The following FAM114A1 variants were observed in gnomAD, a reference collection of about 807,000 sequenced individuals.
FAM114A1 encodes the protein family with sequence similarity 114 member A1.
FAM114A1 carries 62 observed loss-of-function variants against 64.3 expected under a neutral mutation model. The observed-to-expected ratio is 0.96, with a 90% CI of 0.79 to 1.19. FAM114A1 has a LOEUF of 1.19. FAM114A1 is among the 50% of genes most tolerant of loss of function. The pLI is 0.00. For synonymous variants in FAM114A1, 254 were observed against 251.1 expected (o/e 1.01, Z -0.11); for missense variants, 645 against 676.3 (o/e 0.95, Z 0.51).
rs1294267205 is a variant in FAM114A1 at position 38,868,461 on chromosome 4, C to A, written c.-94C>A. The A allele has an allele frequency of 6.5e-6, 1 of 152,688 alleles. No homozygotes were observed. The highest frequency in any genetic ancestry group is 2.4e-5 in the African/African-American group (1 of 41,438). 9.5% of individuals were successfully genotyped at this position (152,688 alleles called of 1,614,324 possible). On this transcript the variant is annotated 5_prime_UTR_variant, in exon 2 of 15. Transcript: ENST00000358869. The stretch of plus-strand genomic sequence containing the variant: ...ACTCTAAGCAGGCACCGCCTCCACT[C>A]GCAGCCCCCGGGATGGGTCCCACTC...
chr4:38,886,258 G>A (rs536177110), intron 3 of FAM114A1, among the ~76,000 whole-genome samples: 1 of 149,050 alleles, frequency 6.7e-6, no homozygotes, highest in South Asian at 2.1e-4. Context: ...TGCAACCTCC[G>A]CCTCCTGGGT....
At chr4:38,911,844 C>CTTTTTTTTTTTTTTTTTTTTTTTTTTTT (rs771972308) in intron 7 of FAM114A1, among the ~76,000 whole-genome samples, 1 of 115,194 alleles carries the variant, frequency 8.7e-6, no homozygotes, top group Non-Finnish European at 1.8e-5. Flanking sequence ...TTTTTTTTTT[C>CTTTTTTTTTTTTTTTTTTTTTTTTTTTT]TTTTTTTTTC....
intron 8 of FAM114A1, among the ~76,000 whole-genome samples, chr4:38,919,603 C>A (rs941357034): frequency 6.6e-6 from 1 of 152,154 alleles, no homozygotes. Flanking sequence ...CCTGGGGACT[C>A]CCCTGTGTTG....
Position 38,878,096 on chromosome 4 carries a change from T to G in FAM114A1, c.18T>G (p.Gly6=), listed in dbSNP as rs1383106626. MSDDA[G]DTLATGDKAE... ...ATACTAAAATGTCTGATGATGCTGG[T>G]GACACCTTAGCCACTGGAGACAAAG... The change falls in exon 3 of 15, where the codon GGT becomes GGG. Residue 6 remains glycine (G), a synonymous_variant. Coordinates refer to ENST00000358869, the MANE Select transcript of FAM114A1 (RefSeq NM_138389.4). The G allele has an allele frequency of 6.2e-7, 1 of 1,609,434 alleles. No individual in the cohort carries two copies. The highest frequency in any genetic ancestry group is 8.5e-7 in the Non-Finnish European group (1 of 1,176,864).
At position 38,929,339 on chromosome 4, in the gene FAM114A1, C is replaced by T; in HGVS notation, c.1161+6C>T. On this transcript the variant is annotated splice_donor_region_variant and intron_variant, in intron 10 of 14. Coordinates refer to ENST00000358869, the MANE Select transcript of FAM114A1 (RefSeq NM_138389.4). ...CACCTGACAAACTCAATAAGGTCAG[C>T]ACTGTCTGATTTATAGTTTCTGGTT... The T allele has an allele frequency of 6.2e-7, 1 of 1,603,256 alleles. No homozygotes were observed. The highest frequency in any genetic ancestry group is 8.5e-7 in the Non-Finnish European group (1 of 1,170,842).
intron 3 of FAM114A1, among the ~76,000 whole-genome samples, chr4:38,885,123 T>C (rs550220238): frequency 5.3e-5 from 8 of 152,270 alleles, no homozygotes; most frequent in Admixed American, 5.2e-4. Flanking sequence ...TACCGGCATC[T>C]GCCACCATGC....
intron 3 of FAM114A1, among the ~76,000 whole-genome samples, chr4:38,887,519 G>T (rs1208253723): frequency 6.6e-6 from 1 of 152,130 alleles, no homozygotes; most frequent in Admixed American, 6.5e-5. Flanking sequence ...TTGACTTAAA[G>T]ACTCTTAATA....
chr4:38,944,814 C>G lies in FAM114A1; in HGVS notation c.*1257C>G, dbSNP rs1466763789. On this transcript the variant is annotated 3_prime_UTR_variant, in exon 15 of 15. Coordinates refer to ENST00000358869, the MANE Select transcript of FAM114A1 (RefSeq NM_138389.4). ...GAATAGCTTCGTGCCGAAACCATCC[C>G]CCACCCCCATCCCGCTACCCCGAGT... is the stretch of plus-strand genomic sequence containing the variant. 1 of 150,418 alleles carries G rather than the reference C, an allele frequency of 6.6e-6. No individual in the cohort carries two copies. Among genetic ancestry groups the G allele is most frequent in the Admixed American group, 6.7e-5 (1 of 15,006 alleles). The allele number at this position is 150,418 out of a possible 1,614,324, so 9.3% of individuals were successfully genotyped here. A position where few individuals can be genotyped will look rare whatever the true frequency, so the allele number is the denominator to read the frequency against.
intron 2 of FAM114A1, among the ~76,000 whole-genome samples, chr4:38,873,215 T>C (rs905950488): frequency 2.0e-5 from 3 of 152,218 alleles, no homozygotes; most frequent in Non-Finnish European, 4.4e-5. Context: ...TTCTTACATG[T>C]AGACTTGTTT....
chr4:38,875,571 C>A (rs1190100913), intron 2 of FAM114A1, among the ~76,000 whole-genome samples: 1 of 152,154 alleles, frequency 6.6e-6, no homozygotes, highest in African/African-American at 2.4e-5. Context: ...AGCCTTTGGG[C>A]AGAGACTATG....
At chr4:38,886,786 G>A (rs1240022844) in intron 3 of FAM114A1, among the ~76,000 whole-genome samples, 2 of 151,760 alleles carry the variant, frequency 1.3e-5, no homozygotes, top group African/African-American at 4.8e-5. Flanking sequence ...AAATTAGCCG[G>A]GCATGGTGGT....
chr4:38,914,817 C>T (rs773009463), intron 7 of FAM114A1, 104 bp from the exon 8 acceptor site: 18 of 1,282,642 alleles, frequency 1.4e-5, no homozygotes, highest in Non-Finnish European at 1.9e-5. Flanking sequence ...AGAATCTCCC[C>T]CTCTCCAACA....
chr4:38,873,641 G>A (rs562793430), intron 2 of FAM114A1, among the ~76,000 whole-genome samples: 1 of 152,344 alleles, frequency 6.6e-6, no homozygotes, highest in African/African-American at 2.4e-5. Context: ...AAGAATGGAG[G>A]AGGCGGTTAT....
chr4:38,868,941 G>A (rs1220761785), intron 2 of FAM114A1, among the ~76,000 whole-genome samples: 1 of 152,212 alleles, frequency 6.6e-6, no homozygotes, highest in Non-Finnish European at 1.5e-5. Flanking sequence ...GAGACGTTAG[G>A]GATGGATTTG....
chr4:38,930,125 G>A (rs1023423175), intron 10 of FAM114A1, among the ~76,000 whole-genome samples: 1 of 152,138 alleles, frequency 6.6e-6, no homozygotes, highest in African/African-American at 2.4e-5. Context: ...GAGCACAGGG[G>A]CTGCATCATG....
At chr4:38,920,897 TG>T (rs1328673960) in intron 8 of FAM114A1, among the ~76,000 whole-genome samples, 1 of 152,184 alleles carries the variant, frequency 6.6e-6, no homozygotes, top group Non-Finnish European at 1.5e-5. Flanking sequence ...TCCACGCTAA[TG>T]GGTTTTGTGT....
At position 38,877,896 on chromosome 4, in the gene FAM114A1, G is replaced by A. The variant is rs373061392; in HGVS notation, c.-8-175G>A. On this transcript the variant is annotated intron_variant, in intron 2 of 14. Coordinates refer to ENST00000358869, the MANE Select transcript of FAM114A1 (RefSeq NM_138389.4). ...GGAGAATCGCTTGAACCTGGGAGGC[G>A]GAGGTTGCAGTGAGCTGAGATCATG... 1.6e-3 allele frequency among the ~76,000 whole-genome samples: 241 copies of A among 151,850 alleles called. 1 individual carries two copies. The highest frequency in any genetic ancestry group is 5.2e-3 in the African/African-American group (214 of 41,376).
chr4:38,939,710 C>A (rs1721433683), intron 13 of FAM114A1, among the ~76,000 whole-genome samples: 1 of 152,104 alleles, frequency 6.6e-6, no homozygotes. Flanking sequence ...ACTCTGAACT[C>A]TTCCAGGTAC....
At chr4:38,902,479 A>G (rs1717608275) in intron 4 of FAM114A1, among the ~76,000 whole-genome samples, 1 of 152,232 alleles carries the variant, frequency 6.6e-6, no homozygotes, top group South Asian at 2.1e-4. Flanking sequence ...TGGGAGCAGA[A>G]ATCCTCCACA....
Sources: allele counts gnomAD v4.1 joint callset (sites outside exome capture counted in the v4.1 genomes callset), GRCh38; gene constraint gnomAD v4.1.1; transcripts MANE v1.5; gene names NCBI Gene and HGNC (gene_info 2026-07-23, HGNC 2026-07-21).